Variants in HECW1 observed in about 807,000 individuals in gnomAD.
HECW1 encodes HECT, C2 and WW domain containing E3 ubiquitin protein ligase 1.
Under a neutral mutation model 182.3 loss-of-function variants are expected in HECW1, and 61 were observed. The observed-to-expected ratio is 0.33, with a 90% confidence interval of 0.27 to 0.41. HECW1 has a LOEUF of 0.41. HECW1 is among the 10% of genes least tolerant of loss of function. HECW1 has a pLI of 1.00. For missense variants in HECW1, 1,739 were observed against 2,108.9 expected, an observed-to-expected ratio of 0.82 and a Z score of 3.44; for synonymous variants, 859 against 832.6, an observed-to-expected ratio of 1.03 and a Z score of -0.55.
intron 2 of HECW1, among the ~76,000 whole-genome samples, chr7:43,200,532 G>A (rs908318180): frequency 4.6e-5 from 7 of 152,180 alleles, no homozygotes; most frequent in Non-Finnish European, 8.8e-5. Flanking sequence ...CAAACCCTTT[G>A]TGTTGATGTG....
intron 2 of HECW1, among the ~76,000 whole-genome samples, chr7:43,127,427 A>G (rs766796331): frequency 2.0e-5 from 3 of 150,312 alleles, no homozygotes; most frequent in East Asian, 2.0e-4. Context: ...GGAGGCTGAA[A>G]CAGGAGAATC....
intron 19 of HECW1, among the ~76,000 whole-genome samples, chr7:43,497,990 G>A (rs960135665): frequency 1.3e-5 from 2 of 152,226 alleles, no homozygotes; most frequent in Admixed American, 6.5e-5. Context: ...TAGGGAAAGT[G>A]TGCTCTGGAG....
At chr7:43,129,456 T>C (rs1461434031) in intron 2 of HECW1, among the ~76,000 whole-genome samples, 1 of 152,142 alleles carries the variant, frequency 6.6e-6, no homozygotes, top group East Asian at 2.0e-4. Flanking sequence ...GACATAATGC[T>C]ATTGCACTGC....
At chr7:43,337,402 G>C (rs1383311909) in intron 5 of HECW1, among the ~76,000 whole-genome samples, 1 of 151,862 alleles carries the variant, frequency 6.6e-6, no homozygotes, top group African/African-American at 2.4e-5. Flanking sequence ...TGAGTTGTTT[G>C]AGTCATCTGA....
chr7:43,147,204 C>T (rs1293340135), intron 2 of HECW1, among the ~76,000 whole-genome samples: 1 of 151,874 alleles, frequency 6.6e-6, no homozygotes, highest in Non-Finnish European at 1.5e-5. Flanking sequence ...TCTGATTTCT[C>T]TAATGGTAAT....
At chr7:43,377,386 G>A (rs994764583) in intron 6 of HECW1, among the ~76,000 whole-genome samples, 1 of 152,058 alleles carries the variant, frequency 6.6e-6, no homozygotes, top group African/African-American at 2.4e-5. Flanking sequence ...CTCAAAATGC[G>A]CTTACTCAAG....
Position 43,360,133 on chromosome 7 carries a change from T to C in HECW1, c.461-753T>C, listed in dbSNP as rs145287876. On this transcript the variant is annotated intron_variant, in intron 5 of 29. Transcript: ENST00000395891. The stretch of plus-strand genomic sequence containing the variant: ...AGGGACTTATTCATTGTCTCACAGA[T>C]TGTAAATAATGGAGCTGAAATTCAA... 1.8e-3 allele frequency among the ~76,000 whole-genome samples: 278 copies of C among 152,242 alleles called. 4 individuals carry two copies. The East Asian group carries it at 0.025, about 14-fold the overall frequency.
chr7:43,547,712 G>A lies in HECW1; in HGVS notation c.4249-2733G>A, dbSNP rs148361547. ...GGATTCATTTATTTTGAAAAGATGGGCAACCACATCTGCAGACCTCAATCT... is the reference window on the plus strand; with the variant it reads ...GGATTCATTTATTTTGAAAAGATGGACAACCACATCTGCAGACCTCAATCT... On this transcript the variant is annotated intron_variant, in intron 26 of 29. Coordinates refer to ENST00000395891, the MANE Select transcript of HECW1 (RefSeq NM_015052.5). Among the ~76,000 whole-genome samples, 55 of 152,246 alleles carry A rather than the reference G, an allele frequency of 3.6e-4. No individual in the cohort carries two copies. The East Asian group carries it at 0.011, about 29-fold the overall frequency.
chr7:43,444,325 C>T lies in HECW1; in HGVS notation c.1153C>T (p.Pro385Ser). The T allele has an allele frequency of 6.2e-7, 1 of 1,614,142 alleles. No homozygotes were observed. The highest frequency in any genetic ancestry group is 8.5e-7 in the Non-Finnish European group (1 of 1,180,010). ...CAGTGGGGAACCTCGGTCTGAGGCA[C>T]CAGAGTCCTCTGAGAGCTGGAAGCC... ...SGSGEPRSEAPESSESWKPEQ... is the reference protein window; with the variant it reads ...SGSGEPRSEASESSESWKPEQ... Residue 385 changes from proline to serine, a missense_variant, in exon 11 of 30, where the codon CCA becomes TCA. Transcript: ENST00000395891. The surrounding 1 kb of genome is among the most constrained non-coding windows in gnomAD (Gnocchi z 4.3).
At chr7:43,522,819 T>G (rs1033933827) in intron 24 of HECW1, among the ~76,000 whole-genome samples, 5 of 152,176 alleles carry the variant, frequency 3.3e-5, no homozygotes, top group Non-Finnish European at 7.3e-5. Flanking sequence ...AATGCTGGCC[T>G]TGGTATAAAA....
intron 8 of HECW1, among the ~76,000 whole-genome samples, chr7:43,423,022 AAGAT>A (rs1237853766): frequency 6.6e-6 from 1 of 152,260 alleles, no homozygotes; most frequent in Non-Finnish European, 1.5e-5. Flanking sequence ...TGATTGGTTT[AAGAT>A]AGATCATTCA....
chr7:43,244,939 GGGAA>G (rs1285639763), intron 3 of HECW1, among the ~76,000 whole-genome samples: 3 of 152,202 alleles, frequency 2.0e-5, no homozygotes, highest in African/African-American at 7.2e-5. Flanking sequence ...GTCAGCGGGC[GGGAA>G]GATGAGGCCA....
intron 2 of HECW1, among the ~76,000 whole-genome samples, chr7:43,191,128 ACTCTTGGGTT>A (rs1793881579): frequency 1.3e-5 from 2 of 151,638 alleles, no homozygotes; most frequent in Non-Finnish European, 2.9e-5. Context: ...GTAGATTAAC[ACTCTTGGGTT>A]ATATATATAT....
At chr7:43,448,199 G>T (rs779451966) in intron 11 of HECW1, among the ~76,000 whole-genome samples, 1 of 152,080 alleles carries the variant, frequency 6.6e-6, no homozygotes, top group African/African-American at 2.4e-5. Context: ...TGTTGTCCAC[G>T]TGCCCACATA....
rs551211084 is a variant in HECW1 at position 43,433,757 on chromosome 7, C to A, written c.802-4246C>A. ...TGACCTATGGAACTTTCTTTTCTGA[C>A]CCGAGTGCCAGTAGACTTTTGTTTA... is the stretch of plus-strand genomic sequence containing the variant. On this transcript the variant is annotated intron_variant, in intron 8 of 29. Coordinates refer to ENST00000395891, the MANE Select transcript of HECW1 (RefSeq NM_015052.5). 3.5e-4 allele frequency among the ~76,000 whole-genome samples: 53 copies of A among 152,302 alleles called. 1 individual carries two copies. The highest frequency in any genetic ancestry group is 3.4e-3 in the Middle Eastern group (1 of 294).
At chr7:43,409,697 C>T (rs184730133) in intron 8 of HECW1, among the ~76,000 whole-genome samples, 1 of 152,286 alleles carries the variant, frequency 6.6e-6, no homozygotes, top group African/African-American at 2.4e-5. Context: ...CATCTCATGT[C>T]CCCCTGGTAA....
At chr7:43,399,087 T>A (rs1404666871) in intron 7 of HECW1, among the ~76,000 whole-genome samples, 1 of 152,260 alleles carries the variant, frequency 6.6e-6, no homozygotes, top group Non-Finnish European at 1.5e-5. Flanking sequence ...AGCCTCCAGC[T>A]ATATGACTCC....
Position 43,563,895 on chromosome 7 carries a change from A to T in HECW1, c.*1969A>T. The stretch of plus-strand genomic sequence containing the variant: ...AAAAAAAATAAATAAAAATAAAAGC[A>T]TTTTTTTAGTAGGAATTATCTACAA... On this transcript the variant is annotated 3_prime_UTR_variant, in exon 30 of 30. Transcript: ENST00000395891. 1 of 183,028 alleles carries T rather than the reference A, an allele frequency of 5.5e-6. No homozygotes were observed. 11.3% of individuals were successfully genotyped at this position (183,028 alleles called of 1,614,324 possible).
intron 5 of HECW1, among the ~76,000 whole-genome samples, chr7:43,346,201 G>A (rs150038801): frequency 0.036 from 5,494 of 152,200 alleles, 333 homozygotes; most frequent in African/African-American, 0.12. Flanking sequence ...GCAGGAGTAA[G>A]GTGGTATCAC....
Sources: allele counts gnomAD v4.1 joint callset (sites outside exome capture counted in the v4.1 genomes callset), GRCh38; gene constraint gnomAD v4.1.1; non-coding constraint Gnocchi (gnomAD v3.1); transcripts MANE v1.5; gene names NCBI Gene and HGNC (gene_info 2026-07-23, HGNC 2026-07-21).